ACSS3: variants seen among roughly 807,000 people sequenced by gnomAD.
ACSS3 encodes acyl-CoA synthetase short-chain family member 3, mitochondrial.
ACSS3 carries 64 observed loss-of-function variants against 84.2 expected under a neutral mutation model. The ratio of observed to expected loss-of-function variants is 0.76; its 90% CI spans 0.62 to 0.94. The LOEUF (loss-of-function observed/expected upper bound fraction) is 0.94. ACSS3 is among the 40% of genes least tolerant of loss of function. The probability of loss-of-function intolerance (pLI) is 0.00; values close to 1 mark genes in which losing one functional copy is unlikely to be tolerated. For missense variants in ACSS3, 815 were observed against 867.6 expected, an observed-to-expected ratio of 0.94 and a Z score of 0.76; for synonymous variants, 317 against 310.1, an observed-to-expected ratio of 1.02 and a Z score of -0.23.
chr12:81,173,444 T>C (rs1028442621), intron 7 of ACSS3, among the ~76,000 whole-genome samples: 2 of 152,128 alleles, frequency 1.3e-5, no homozygotes, highest in Non-Finnish European at 2.9e-5. Context: ...TAAAACAGAT[T>C]GAAATAGTTT....
rs775712918 is a variant in ACSS3, at chr12:81,174,944, C to G, written c.1250+5C>G. ...GAAGCAGTACTCTCTGACAAGGTGA[C>G]GTTGGGATGCACAGGGCAAATGACA... On this transcript the variant is annotated splice_donor_5th_base_variant and intron_variant, in intron 8 of 15. Transcript: ENST00000548058. 1.3e-5 allele frequency: 21 copies of G among 1,612,480 alleles called. No individual in the cohort carries two copies. In the South Asian group the frequency reaches 1.4e-4, roughly 11 times the overall value.
chr12:81,152,212 A>G (rs745954587), intron 7 of ACSS3, 116 bp downstream of exon 7: 24 of 656,166 alleles, frequency 3.7e-5, no homozygotes, highest in Non-Finnish European at 5.2e-5. Flanking sequence ...ACATTATTAT[A>G]TCTTCTTCCA....
intron 9 of ACSS3, among the ~76,000 whole-genome samples, chr12:81,204,903 A>G (rs2032279110): frequency 6.6e-6 from 1 of 152,158 alleles, no homozygotes; most frequent in African/African-American, 2.4e-5. Context: ...AGAATTTGTT[A>G]AACTCTAAGG....
chr12:81,109,747 G>C (rs1235407301), intron 2 of ACSS3, 43 bp downstream of exon 2: 2 of 1,405,650 alleles, frequency 1.4e-6, no homozygotes, highest in African/African-American at 1.5e-5. Context: ...AATTCATATA[G>C]AAATTACTTA....
At chr12:81,127,640 C>T (rs186726332) in intron 2 of ACSS3, among the ~76,000 whole-genome samples, 3 of 152,152 alleles carry the variant, frequency 2.0e-5, no homozygotes, top group African/African-American at 4.8e-5. Context: ...TTTTTTGTTA[C>T]GGTTTAGACC....
chr12:81,175,012 T>C (rs927404059), intron 8 of ACSS3, 73 bp downstream of exon 8: 174 of 1,530,006 alleles, frequency 1.1e-4, no homozygotes, highest in Non-Finnish European at 1.5e-4. Context: ...ATTATTTTTT[T>C]TCTGGTACTG....
intron 1 of ACSS3, among the ~76,000 whole-genome samples, chr12:81,105,911 C>T (rs982184815): frequency 5.3e-5 from 8 of 152,074 alleles, no homozygotes; most frequent in African/African-American, 1.9e-4. Context: ...GGCTTTTGAA[C>T]TACTTGGGGA....
intron 8 of ACSS3, among the ~76,000 whole-genome samples, chr12:81,180,811 A>G (rs2030870969): frequency 6.6e-6 from 1 of 152,184 alleles, no homozygotes; most frequent in Non-Finnish European, 1.5e-5. Context: ...CCACTGCGCC[A>G]GGTCATGGAC....
intron 1 of ACSS3, among the ~76,000 whole-genome samples, chr12:81,081,042 A>G (rs765976031): frequency 1.3e-5 from 2 of 152,210 alleles, no homozygotes; most frequent in Non-Finnish European, 2.9e-5. Context: ...GTGTAGTCAC[A>G]GTCTCTGATG....
rs1882466468 is a variant in ACSS3, at chr12:81,100,985, C to T, written c.312-8575C>T. Reference sequence around the variant, plus strand: ...GGAAGGCAACCAAAATCATGATAGACAGCAGGAATGATGATTGATAGCATA... The same window carrying T: ...GGAAGGCAACCAAAATCATGATAGATAGCAGGAATGATGATTGATAGCATA... On this transcript the variant is annotated intron_variant, in intron 1 of 15. Coordinates refer to ENST00000548058, the MANE Select transcript of ACSS3 (RefSeq NM_024560.4). 2.6e-5 allele frequency among the ~76,000 whole-genome samples: 4 copies of T among 152,188 alleles called. No individual in the cohort carries two copies. In the South Asian group the frequency reaches 8.3e-4, roughly 31 times the overall value.
intron 7 of ACSS3, among the ~76,000 whole-genome samples, chr12:81,165,428 G>A (rs983704951): frequency 6.6e-6 from 1 of 152,096 alleles, no homozygotes; most frequent in Non-Finnish European, 1.5e-5. Context: ...GGCGGATCAC[G>A]AGGTCAGGAG....
At position 81,139,387 on chromosome 12, in the gene ACSS3, T is replaced by C. The variant is rs1167694873; in HGVS notation, c.780+122T>C. On this transcript the variant is annotated intron_variant, in intron 4 of 15. Transcript: ENST00000548058. ...TTAAGTATACTGCTGAATGTTATTG[T>C]TATTTCTAAAAAATATATGAATAAG... is the stretch of plus-strand genomic sequence containing the variant. 4.5e-5 allele frequency: 51 copies of C among 1,124,318 alleles called. 1 individual carries two copies. In the Admixed American group the frequency reaches 1.4e-3, roughly 31 times the overall value. 69.6% of individuals were successfully genotyped at this position (1,124,318 alleles called of 1,614,324 possible).
chr12:81,130,903 G>T (rs2121549784), intron 2 of ACSS3, among the ~76,000 whole-genome samples: 1 of 152,216 alleles, frequency 6.6e-6, no homozygotes, highest in African/African-American at 2.4e-5. Context: ...CCCATTTCTT[G>T]TTTTTGTCAA....
intron 7 of ACSS3, among the ~76,000 whole-genome samples, chr12:81,164,827 A>G (rs1270241699): frequency 6.6e-6 from 1 of 152,160 alleles, no homozygotes; most frequent in Non-Finnish European, 1.5e-5. Context: ...TCCTTTTTCA[A>G]GGACAGGGAT....
chr12:81,205,705 T>C (rs1794456045), intron 9 of ACSS3, among the ~76,000 whole-genome samples: 1 of 152,128 alleles, frequency 6.6e-6, no homozygotes, highest in Non-Finnish European at 1.5e-5. Context: ...TTTTCTTTCA[T>C]GTGTCCATGT....
chr12:81,170,446 T>C (rs1345853747), intron 7 of ACSS3, among the ~76,000 whole-genome samples: 1 of 152,146 alleles, frequency 6.6e-6, no homozygotes, highest in Admixed American at 6.5e-5. Context: ...TATAAATCTC[T>C]GAGGTTAAAT....
intron 1 of ACSS3, among the ~76,000 whole-genome samples, chr12:81,099,407 G>A (rs1328116989): frequency 1.3e-5 from 2 of 152,160 alleles, no homozygotes; most frequent in South Asian, 2.1e-4. Context: ...CATGCAAAGT[G>A]CAGAAATCAG....
chr12:81,094,174 G>C (rs150324303), intron 1 of ACSS3, among the ~76,000 whole-genome samples: 35 of 109,010 alleles, frequency 3.2e-4, no homozygotes, highest in Non-Finnish European at 6.3e-4. Context: ...CTCTCTCTCT[G>C]TCTCTCTCTC....
At position 81,260,412 on chromosome 12, in the gene ACSS3, TTAAA is replaced by T. The variant is rs902286464; in HGVS notation, c.*5493_*5496del. ...TAAGAAGCAAGCACTATTGAACATA[TTAAA>T]TAGTCATTTGTAAATTAGTGAAGTG... is the stretch of plus-strand genomic sequence containing the variant. On this transcript the variant is annotated 3_prime_UTR_variant, in exon 16 of 16. Transcript: ENST00000548058. 1.3e-5 allele frequency: 2 copies of T among 152,186 alleles called. No individual in the cohort carries two copies. The highest frequency in any genetic ancestry group is 6.5e-5 in the Admixed American group (1 of 15,274). 9.4% of individuals were successfully genotyped at this position (152,186 alleles called of 1,614,324 possible). A position where few individuals can be genotyped will look rare whatever the true frequency, so the allele number is the denominator to read the frequency against.
Sources: allele counts gnomAD v4.1 joint callset (sites outside exome capture counted in the v4.1 genomes callset), GRCh38; gene constraint gnomAD v4.1.1; transcripts MANE v1.5; gene names NCBI Gene and HGNC (gene_info 2026-07-23, HGNC 2026-07-21).